Variants in GUSB observed in about 807,000 individuals in gnomAD.
GUSB encodes glucuronidase beta.
Under a neutral mutation model 74.6 loss-of-function variants are expected in GUSB, and 51 were observed. That is an observed-to-expected ratio of 0.68 (90% confidence interval 0.55 to 0.86). The LOEUF is 0.86. Ranked by LOEUF, GUSB falls within the 40% of genes least tolerant of loss-of-function variation. GUSB has a pLI of 0.00. For missense variants in GUSB, 736 were observed against 853.7 expected (o/e 0.86, Z 1.72); for synonymous variants, 360 against 348.3 (o/e 1.03, Z -0.37).
chr7:65,979,304 G>T, intron 4 of GUSB, 95 bp downstream of exon 4: 1 of 1,223,268 alleles, frequency 8.2e-7, no homozygotes. Context: ...GTGTAGAGAT[G>T]CTGGGAGCAC....
intron 11 of GUSB, among the ~76,000 whole-genome samples, chr7:65,962,667 G>A (rs1340423111): frequency 3.9e-5 from 6 of 152,044 alleles, no homozygotes; most frequent in South Asian, 2.1e-4. Context: ...GAGGTCGGTA[G>A]TTCAAGCCCA....
At chr7:65,971,089 G>A (rs1297041746) in intron 8 of GUSB, among the ~76,000 whole-genome samples, 2 of 152,140 alleles carry the variant, frequency 1.3e-5, no homozygotes, top group Non-Finnish European at 2.9e-5. Context: ...ACAGAGCTGA[G>A]GTCACTAGGC....
chr7:65,978,752 C>G (rs1791770709), intron 4 of GUSB, among the ~76,000 whole-genome samples: 1 of 151,116 alleles, frequency 6.6e-6, no homozygotes, highest in Admixed American at 6.6e-5. Context: ...AGCCTGGCGA[C>G]AGAGCGAGAC....
intron 4 of GUSB, among the ~76,000 whole-genome samples, chr7:65,977,150 T>C (rs1791638459): frequency 6.6e-6 from 1 of 152,108 alleles, no homozygotes; most frequent in African/African-American, 2.4e-5. Flanking sequence ...CTGAATTCTG[T>C]GTCTCAGGGT....
intron 11 of GUSB, among the ~76,000 whole-genome samples, chr7:65,961,382 C>T (rs1466511178): frequency 6.6e-6 from 1 of 152,104 alleles, no homozygotes; most frequent in East Asian, 1.9e-4. Flanking sequence ...AATCTGCCCT[C>T]CTTAGCCTCC....
At chr7:65,973,782 T>G (rs1791374898) in intron 8 of GUSB, among the ~76,000 whole-genome samples, 1 of 150,950 alleles carries the variant, frequency 6.6e-6, no homozygotes, top group Non-Finnish European at 1.5e-5. Flanking sequence ...AAAGCAAAAA[T>G]TAGCTGGGCG....
In GUSB at chr7:65,982,094, G is replaced by A. The variant is rs745503914; in HGVS notation, c.90C>T (p.Pro30=). The part of the protein sequence containing the change: ...ALGLQGGMLY[P]QESPSRECKE... Reference sequence around the variant, plus strand: ...TGCACTCCCGCGACGGGCTCTCCTGGGGGTACAGCATCCCGCCCTGCAGCC... The same window carrying A: ...TGCACTCCCGCGACGGGCTCTCCTGAGGGTACAGCATCCCGCCCTGCAGCC... Residue 30 remains proline (P), a synonymous_variant, in exon 1 of 12, where the codon CCC becomes CCT. Transcript: ENST00000304895. 2.5e-6 allele frequency: 4 copies of A among 1,601,816 alleles called. No individual in the cohort carries two copies. The highest frequency in any genetic ancestry group is 2.6e-6 in the Non-Finnish European group (3 of 1,175,244).
chr7:65,974,781 C>A, intron 6 of GUSB, 77 bp from the exon 7 acceptor site: 1 of 1,564,516 alleles, frequency 6.4e-7, no homozygotes, highest in Non-Finnish European at 8.8e-7. Context: ...CCCTGGAGAG[C>A]CACCCCATGA....
At chr7:65,968,035 G>C in intron 9 of GUSB, 128 bp from the exon 10 acceptor site, 1 of 777,166 alleles carries the variant, frequency 1.3e-6, no homozygotes, top group Non-Finnish European at 2.2e-6. Context: ...GGAGGCTGAG[G>C]CAGGAGGATG....
At chr7:65,966,474 G>A (rs1226147072) in intron 10 of GUSB, among the ~76,000 whole-genome samples, 1 of 151,834 alleles carries the variant, frequency 6.6e-6, no homozygotes, top group East Asian at 1.9e-4. Context: ...TTGGTGAGGA[G>A]GACAAAAAAA....
At chr7:65,972,281 C>T (rs1458470713) in intron 8 of GUSB, among the ~76,000 whole-genome samples, 9 of 152,108 alleles carry the variant, frequency 5.9e-5, no homozygotes, top group Admixed American at 5.9e-4. Context: ...CCTGCCTCAG[C>T]CTCCCAAGTA....
chr7:65,967,043 T>C (rs1198587728), intron 10 of GUSB, among the ~76,000 whole-genome samples: 3 of 152,134 alleles, frequency 2.0e-5, no homozygotes, highest in Non-Finnish European at 4.4e-5. Context: ...AACAGATCAG[T>C]GGCTGGGATA....
Position 65,979,423 on chromosome 7 carries a change from T to A in GUSB, c.700A>T (p.Thr234Ser). 6.2e-7 allele frequency: 1 copy of A among 1,613,852 alleles called. No individual in the cohort carries two copies. Among genetic ancestry groups the A allele is most frequent in the Non-Finnish European group, 8.5e-7 (1 of 1,179,862 alleles). Residue 234 changes from threonine (T) to serine (S), a missense_variant, in exon 4 of 12, where the codon ACC becomes TCC. By Grantham distance (58) the Thr-to-Ser change is moderately conservative. This residue lies in a region of GUSB where 368 missense variants were observed against 363.8 expected (regional missense o/e 1.01). Coordinates refer to ENST00000304895, the MANE Select transcript of GUSB (RefSeq NM_000181.4). ...CCACTGTCTTGCTCCACGCTGGTGG[T>A]GACGGTGATGTCATCGATGTAGGTG... ...PTTYIDDITV[T>S]TSVEQDSGLV...
intron 1 of GUSB, 194 bp downstream of exon 1, chr7:65,981,780 T>C (rs1001950098): frequency 2.3e-5 from 13 of 565,980 alleles, no homozygotes; most frequent in Middle Eastern, 4.6e-4. Context: ...TCCTCCTGCC[T>C]AATCCGCCCC....
At chr7:65,961,155 G>A (rs1790468877) in intron 11 of GUSB, 92 bp from the exon 12 acceptor site, 1 of 1,263,650 alleles carries the variant, frequency 7.9e-7, no homozygotes, top group East Asian at 2.3e-5. Context: ...GCACTAAATA[G>A]AAATGTCTTT....
At position 65,980,579 on chromosome 7, in the gene GUSB, T is replaced by G. The variant is rs894195750; in HGVS notation, c.211-170A>C. On this transcript the variant is annotated intron_variant, in intron 1 of 11. Transcript: ENST00000304895. ...ACAGGTCAACTGCCAGGGCGATCTG[T>G]GCACCTGGGCCAGTGGGGCCAGGAG... 4.5e-6 allele frequency: 3 copies of G among 671,074 alleles called. No individual in the cohort carries two copies. The African/African-American group carries it at 5.3e-5, about 12-fold the overall frequency. 41.6% of individuals were successfully genotyped at this position (671,074 alleles called of 1,614,324 possible).
chr7:65,975,927 C>CA, intron 5 of GUSB, 88 bp downstream of exon 5: 3 of 1,025,876 alleles, frequency 2.9e-6, no homozygotes, highest in Non-Finnish European at 4.4e-6. Context: ...CATGCCTGCC[C>CA]ATCCACCTGT....
intron 11 of GUSB, among the ~76,000 whole-genome samples, chr7:65,962,101 G>T (rs1224637212): frequency 2.6e-5 from 4 of 152,194 alleles, no homozygotes; most frequent in Non-Finnish European, 5.9e-5. Flanking sequence ...CAGAGGGCTA[G>T]GGGTATCTGG....
intron 4 of GUSB, 47 bp downstream of exon 4, chr7:65,979,352 A>T: frequency 6.4e-7 from 1 of 1,571,286 alleles, no homozygotes; most frequent in Non-Finnish European, 8.7e-7. Flanking sequence ...GGGAACAAAC[A>T]GAGCCACCCT....
Sources: allele counts gnomAD v4.1 joint callset (sites outside exome capture counted in the v4.1 genomes callset), GRCh38; gene constraint gnomAD v4.1.1; regional missense constraint gnomAD v4.1.1; transcripts MANE v1.5; gene names NCBI Gene and HGNC (gene_info 2026-07-23, HGNC 2026-07-21).